Variants in ALK observed in about 807,000 individuals in gnomAD.
ALK encodes the protein ALK tyrosine kinase receptor.
ALK carries 74 observed loss-of-function variants against 163.1 expected under a neutral mutation model. That is an observed-to-expected ratio of 0.45 (90% CI 0.38 to 0.55). ALK has a LOEUF of 0.55. Ranked by LOEUF, ALK falls within the 20% of genes least tolerant of loss-of-function variation. The pLI is 0.00. For synonymous variants in ALK, 960 were observed against 843.2 expected, an observed-to-expected ratio of 1.14 and a Z score of -2.40; for missense variants, 2,063 against 2,105.3, an observed-to-expected ratio of 0.98 and a Z score of 0.39.
intron 24 of ALK, among the ~76,000 whole-genome samples, chr2:29,212,452 C>G (rs2148157772): frequency 6.6e-6 from 1 of 152,222 alleles, no homozygotes; most frequent in East Asian, 1.9e-4. Flanking sequence ...AGGCCCAGCT[C>G]CTTTTTGGCT....
Position 29,258,806 on chromosome 2 carries a change from C to T in ALK, c.2042-7539G>A, listed in dbSNP as rs1235233614. Among the ~76,000 whole-genome samples the T allele has an allele frequency of 2.6e-5, 4 of 152,162 alleles. No homozygotes were observed. In the East Asian group the frequency reaches 5.8e-4, roughly 22 times the overall value. Reference sequence around the variant, plus strand: ...ACTTCTTCTCCAGACCTGGAATCAACCGTTTCCTCAAAAGCCCTGATTTCT... The same window carrying T: ...ACTTCTTCTCCAGACCTGGAATCAATCGTTTCCTCAAAAGCCCTGATTTCT... On this transcript the variant is annotated intron_variant, in intron 11 of 28. Transcript: ENST00000389048.
chr2:29,541,879 C>T (rs1178118456), intron 3 of ALK, among the ~76,000 whole-genome samples: 1 of 152,176 alleles, frequency 6.6e-6, no homozygotes, highest in Non-Finnish European at 1.5e-5. Flanking sequence ...AAAGCTGCTA[C>T]CGTGAGATTT....
intron 4 of ALK, among the ~76,000 whole-genome samples, chr2:29,399,035 G>T (rs1254021054): frequency 2.0e-5 from 3 of 152,144 alleles, no homozygotes; most frequent in Admixed American, 6.5e-5. Context: ...TTGGAAACCT[G>T]CCAATGATGT....
chr2:29,438,851 A>C (rs1438589077), intron 4 of ALK, among the ~76,000 whole-genome samples: 1 of 152,136 alleles, frequency 6.6e-6, no homozygotes, highest in Non-Finnish European at 1.5e-5. Context: ...AATATCCCCC[A>C]GCGCTCCTAC....
intron 1 of ALK, among the ~76,000 whole-genome samples, chr2:29,844,509 G>A (rs1446952396): frequency 1.3e-5 from 2 of 152,192 alleles, no homozygotes; most frequent in African/African-American, 4.8e-5. Flanking sequence ...GTAAACCTCT[G>A]ATATAGTAGG....
At chr2:29,259,474 A>G (rs1665030185) in intron 11 of ALK, among the ~76,000 whole-genome samples, 1 of 152,172 alleles carries the variant, frequency 6.6e-6, no homozygotes, top group African/African-American at 2.4e-5. Flanking sequence ...CTTGTTTTAA[A>G]GTAAATTCCT....
intron 11 of ALK, among the ~76,000 whole-genome samples, chr2:29,274,745 G>C (rs1665489395): frequency 6.6e-6 from 1 of 152,212 alleles, no homozygotes; most frequent in South Asian, 2.1e-4. Context: ...CTCTTTATAA[G>C]GAGGAGAAAT....
chr2:29,554,159 T>G (rs1177877268), intron 3 of ALK, among the ~76,000 whole-genome samples: 1 of 152,180 alleles, frequency 6.6e-6, no homozygotes, highest in Non-Finnish European at 1.5e-5. Context: ...ACAAAAATAG[T>G]CACTGTAAAG....
chr2:29,693,035 G>A (rs1476942409), intron 3 of ALK, among the ~76,000 whole-genome samples: 2 of 152,172 alleles, frequency 1.3e-5, no homozygotes, highest in East Asian at 3.9e-4. Flanking sequence ...ATACATAGGT[G>A]GTATAGCCAT....
intron 3 of ALK, among the ~76,000 whole-genome samples, chr2:29,658,179 T>A (rs1677243894): frequency 1.3e-5 from 2 of 152,172 alleles, no homozygotes; most frequent in African/African-American, 4.8e-5. Flanking sequence ...ATGCTTAAAA[T>A]GAGTTTTTTT....
At chr2:29,431,918 A>C (rs760078678) in intron 4 of ALK, among the ~76,000 whole-genome samples, 2 of 151,916 alleles carry the variant, frequency 1.3e-5, no homozygotes, top group Non-Finnish European at 2.9e-5. Context: ...AGAGGAGAGA[A>C]TATCCTGTCC....
In ALK at chr2:29,530,430, C is replaced by T. The variant is rs117478243; in HGVS notation, c.1154+1485G>A. 8.7e-4 allele frequency among the ~76,000 whole-genome samples: 133 copies of T among 152,318 alleles called. 1 individual carries two copies. In the East Asian group the frequency reaches 0.016, roughly 19 times the overall value. On this transcript the variant is annotated intron_variant, in intron 4 of 28. Coordinates refer to ENST00000389048, the MANE Select transcript of ALK (RefSeq NM_004304.5). The stretch of plus-strand genomic sequence containing the variant: ...TCTCAGACTCCAACTCCACCTCTCC[C>T]AGCCACATCAGTGAATCCTCCCACC...
At chr2:29,491,394 C>G (rs1396130251) in intron 4 of ALK, among the ~76,000 whole-genome samples, 2 of 152,090 alleles carry the variant, frequency 1.3e-5, no homozygotes, top group Non-Finnish European at 2.9e-5. Context: ...GAACGTCAAG[C>G]CTGTGTACCT....
intron 26 of ALK, 117 bp downstream of exon 26, chr2:29,207,054 T>G: frequency 1.3e-6 from 1 of 787,042 alleles, no homozygotes; most frequent in Non-Finnish European, 2.3e-6. Context: ...GTGTATTGAT[T>G]CTTCTCTTTT....
At chr2:29,768,842 T>A (rs915053356) in intron 1 of ALK, among the ~76,000 whole-genome samples, 2 of 148,114 alleles carry the variant, frequency 1.4e-5, no homozygotes, top group Non-Finnish European at 3.0e-5. Flanking sequence ...CCTTTTTATC[T>A]TTTTTTTTTA....
chr2:29,655,355 T>C (rs889104771), intron 3 of ALK, among the ~76,000 whole-genome samples: 6 of 152,174 alleles, frequency 3.9e-5, no homozygotes, highest in African/African-American at 1.4e-4. Context: ...TTTGGGAAGA[T>C]GTCAAGATGT....
chr2:29,705,125 G>C (rs1678858231), intron 2 of ALK, among the ~76,000 whole-genome samples: 1 of 150,426 alleles, frequency 6.6e-6, no homozygotes, highest in Non-Finnish European at 1.5e-5. Flanking sequence ...GGCTGAGGCA[G>C]GAGAATCGCT....
intron 4 of ALK, among the ~76,000 whole-genome samples, chr2:29,404,429 G>C (rs1052116088): frequency 1.1e-4 from 17 of 151,934 alleles, no homozygotes; most frequent in African/African-American, 4.1e-4. Context: ...TATACAAGAT[G>C]ACTTTAAACA....
At position 29,275,382 on chromosome 2, in the gene ALK, T is replaced by C; in HGVS notation, c.1912+20A>G. On this transcript the variant is annotated intron_variant, in intron 10 of 28. Coordinates refer to ENST00000389048, the MANE Select transcript of ALK (RefSeq NM_004304.5). ...CCATGGGGGTTGGGGGACAGAGTGC[T>C]GGGGTCAGAGTGAACTCACTGGTGA... 6.2e-7 allele frequency: 1 copy of C among 1,613,438 alleles called. No homozygotes were observed. Among genetic ancestry groups the C allele is most frequent in the South Asian group, 1.1e-5 (1 of 91,064 alleles).
Sources: allele counts gnomAD v4.1 joint callset (sites outside exome capture counted in the v4.1 genomes callset), GRCh38; gene constraint gnomAD v4.1.1; transcripts MANE v1.5; gene names NCBI Gene and HGNC (gene_info 2026-07-23, HGNC 2026-07-21).